SMIM13: variants seen among roughly 807,000 people sequenced by gnomAD.
SMIM13 encodes UPF0766 protein C6orf228.
In SMIM13, 3 loss-of-function variants were observed where a neutral mutation model predicts 5.9. The ratio of observed to expected loss-of-function variants is 0.51; its 90% CI spans 0.23 to 1.31. SMIM13 has a LOEUF of 1.31. SMIM13 is among the 40% of genes most tolerant of loss of function. The pLI is 0.18. For synonymous variants in SMIM13, 55 were observed against 46.0 expected, an observed-to-expected ratio of 1.19 and a Z score of -0.79; for missense variants, 85 against 109.9, an observed-to-expected ratio of 0.77 and a Z score of 1.01.
chr6:11,095,317 T>C (rs1757910229), intron 1 of SMIM13, among the ~76,000 whole-genome samples: 1 of 152,190 alleles, frequency 6.6e-6, no homozygotes, highest in South Asian at 2.1e-4. Context: ...TGCATATGCA[T>C]GTGTATGTAT....
intron 1 of SMIM13, among the ~76,000 whole-genome samples, chr6:11,109,982 C>T (rs1758144070): frequency 1.3e-5 from 2 of 152,282 alleles, no homozygotes; most frequent in East Asian, 3.9e-4. Flanking sequence ...ATGGCAGTGT[C>T]CCCCATTCAT....
chr6:11,103,592 G>T, intron 1 of SMIM13: 1 of 1,449,160 alleles, frequency 6.9e-7, no homozygotes, highest in East Asian at 2.5e-5. Flanking sequence ...GGGCAGGATG[G>T]CTCTGTGGAT....
In SMIM13 at chr6:11,135,894, T is replaced by A. The variant is rs1758512048; in HGVS notation, c.*1292T>A. 1 of 152,216 alleles carries A rather than the reference T, an allele frequency of 6.6e-6. No homozygotes were observed. Among genetic ancestry groups the A allele is most frequent in the African/African-American group, 2.4e-5 (1 of 41,462 alleles). The allele number at this position is 152,216 out of a possible 1,614,324, so 9.4% of individuals were successfully genotyped here. On this transcript the variant is annotated 3_prime_UTR_variant, in exon 2 of 2. Coordinates refer to ENST00000416247, the MANE Select transcript of SMIM13 (RefSeq NM_001135575.2). Reference sequence around the variant, plus strand: ...GTGCATCTTAACAATTGGTAGTGTCTTAGGTTAAATTAAAAATGGTAGCTT... The same window carrying A: ...GTGCATCTTAACAATTGGTAGTGTCATAGGTTAAATTAAAAATGGTAGCTT...
intron 1 of SMIM13, chr6:11,105,229 CT>C: frequency 6.2e-7 from 1 of 1,614,136 alleles, no homozygotes; most frequent in African/African-American, 1.3e-5. Context: ...AGTTGCTGAG[CT>C]TTTTCCAATA....
chr6:11,094,334 G>C lies in SMIM13; in HGVS notation c.21G>C (p.Leu7=), dbSNP rs1757893303. 6.5e-7 allele frequency: 1 copy of C among 1,531,454 alleles called. No individual in the cohort carries two copies. Among genetic ancestry groups the C allele is most frequent in the African/African-American group, 1.4e-5 (1 of 72,944 alleles). 94.9% of individuals were successfully genotyped at this position (1,531,454 alleles called of 1,614,324 possible). A position where few individuals can be genotyped will look rare whatever the true frequency, so the allele number is the denominator to read the frequency against. Residue 7 remains leucine (L), a synonymous_variant, in exon 1 of 2, where the codon CTG becomes CTC. Transcript: ENST00000416247. ...CCAAGATGTGGCACAGCGTCGGGCT[G>C]ACTCTGCTTGTGTTCGTGGCCACGC... MWHSVG[L]TLLVFVATLL...
rs571959545 is a variant in SMIM13 at position 11,103,392 on chromosome 6, C to T, written c.76+9003C>T. On this transcript the variant is annotated intron_variant, in intron 1 of 1. Transcript: ENST00000416247. ...CATCACCTGATGGTTGCCTGACATTCCTGGTGAGGGGGCCCTCCCCTGCCC... is the reference window on the plus strand; with the variant it reads ...CATCACCTGATGGTTGCCTGACATTTCTGGTGAGGGGGCCCTCCCCTGCCC... The T allele has an allele frequency of 8.4e-5, 27 of 321,476 alleles. No individual in the cohort carries two copies. In the South Asian group the frequency reaches 2.8e-3, roughly 33 times the overall value. The allele number at this position is 321,476 out of a possible 1,614,324, so 19.9% of individuals were successfully genotyped here. A position where few individuals can be genotyped will look rare whatever the true frequency, so the allele number is the denominator to read the frequency against.
intron 1 of SMIM13, among the ~76,000 whole-genome samples, chr6:11,095,069 C>G (rs546079298): frequency 1.1e-4 from 16 of 152,234 alleles, no homozygotes; most frequent in African/African-American, 3.9e-4. Flanking sequence ...TTTCTTTGTA[C>G]ATGTATAGTA....
intron 1 of SMIM13, among the ~76,000 whole-genome samples, chr6:11,124,344 G>A (rs1474600549): frequency 6.6e-6 from 1 of 152,194 alleles, no homozygotes; most frequent in East Asian, 1.9e-4. Flanking sequence ...TTCTTTGGCT[G>A]AATAGGATTC....
intron 1 of SMIM13, among the ~76,000 whole-genome samples, chr6:11,096,763 G>A (rs986097523): frequency 2.0e-5 from 3 of 151,756 alleles, no homozygotes; most frequent in Non-Finnish European, 4.4e-5. Flanking sequence ...GCAATGGCGT[G>A]ATCTCGGCTC....
At chr6:11,126,623 T>C (rs1758380296) in intron 1 of SMIM13, among the ~76,000 whole-genome samples, 1 of 152,214 alleles carries the variant, frequency 6.6e-6, no homozygotes, top group Non-Finnish European at 1.5e-5. Flanking sequence ...GAGTGGTCTC[T>C]GATGCCTTAT....
intron 1 of SMIM13, among the ~76,000 whole-genome samples, chr6:11,123,475 C>T (rs1224768239): frequency 2.0e-5 from 3 of 152,082 alleles, no homozygotes; most frequent in Non-Finnish European, 2.9e-5. Flanking sequence ...CTTTCTATTT[C>T]GTGTTATATT....
intron 1 of SMIM13, chr6:11,104,957 G>C: frequency 6.2e-7 from 1 of 1,614,170 alleles, no homozygotes; most frequent in Non-Finnish European, 8.5e-7. Flanking sequence ...TTCCCATTAG[G>C]TTGATATTAG....
intron 1 of SMIM13, among the ~76,000 whole-genome samples, chr6:11,098,488 A>T (rs1757952180): frequency 6.6e-6 from 1 of 152,216 alleles, no homozygotes; most frequent in African/African-American, 2.4e-5. Flanking sequence ...GCTGGAGTAC[A>T]GTGGTGCAAT....
chr6:11,105,360 G>C, intron 1 of SMIM13: 17 of 1,412,330 alleles, frequency 1.2e-5, no homozygotes, highest in Non-Finnish European at 1.7e-5. Context: ...TGGAACTCCT[G>C]GTGGTGTACA....
In SMIM13 at chr6:11,104,890, G is replaced by T. The variant is rs1361189629; in HGVS notation, c.76+10501G>T. The stretch of plus-strand genomic sequence containing the variant: ...AAAGTAACATTACAGACTGTACTTG[G>T]AAGAGTGCCTACATTTGTTCCATTT... On this transcript the variant is annotated intron_variant, in intron 1 of 1. Coordinates refer to ENST00000416247, the MANE Select transcript of SMIM13 (RefSeq NM_001135575.2). 7 of 1,614,214 alleles carry T rather than the reference G, an allele frequency of 4.3e-6. No individual in the cohort carries two copies. The highest frequency in any genetic ancestry group is 5.1e-6 in the Non-Finnish European group (6 of 1,180,042).
chr6:11,104,482 C>T (rs1441641458), intron 1 of SMIM13: 2 of 1,553,332 alleles, frequency 1.3e-6, no homozygotes, highest in East Asian at 2.4e-5. Context: ...AGGGAGGTTC[C>T]AAAAAATTCT....
intron 1 of SMIM13, among the ~76,000 whole-genome samples, chr6:11,120,594 A>G (rs150014330): frequency 8.5e-5 from 13 of 152,350 alleles, no homozygotes; most frequent in Non-Finnish European, 1.8e-4. Context: ...TTTTGGGAGC[A>G]CACAAACATT....
At chr6:11,123,336 T>A (rs181607116) in intron 1 of SMIM13, among the ~76,000 whole-genome samples, 12 of 152,358 alleles carry the variant, frequency 7.9e-5, no homozygotes, top group Admixed American at 7.8e-4. Context: ...CTTCCTCCCG[T>A]GCTCTCTCAG....
intron 1 of SMIM13, among the ~76,000 whole-genome samples, chr6:11,112,804 T>C (rs1193523041): frequency 6.6e-6 from 1 of 152,038 alleles, no homozygotes; most frequent in Non-Finnish European, 1.5e-5. Context: ...GTATTATTAT[T>C]GTTTTATTTA....
Sources: allele counts gnomAD v4.1 joint callset (sites outside exome capture counted in the v4.1 genomes callset), GRCh38; gene constraint gnomAD v4.1.1; transcripts MANE v1.5; gene names NCBI Gene and HGNC (gene_info 2026-07-23, HGNC 2026-07-21).